The following CNPY3 variants were observed in gnomAD, a reference collection of about 807,000 sequenced individuals.
CNPY3 encodes protein canopy homolog 3.
CNPY3 carries 20 observed loss-of-function variants against 32.0 expected under a neutral mutation model. The observed-to-expected ratio is 0.63, with a 90% confidence interval of 0.44 to 0.91. The LOEUF is 0.91. Ranked by LOEUF, CNPY3 falls within the 40% of genes least tolerant of loss-of-function variation. CNPY3 has a pLI of 0.00. For synonymous variants in CNPY3, 138 were observed against 142.9 expected, an observed-to-expected ratio of 0.97 and a Z score of 0.24; for missense variants, 299 against 340.8, an observed-to-expected ratio of 0.88 and a Z score of 0.97.
At chr6:42,934,289 A>G (rs998947520) in intron 1 of CNPY3, among the ~76,000 whole-genome samples, 186 bp from the exon 2 acceptor site, 3 of 152,246 alleles carry the variant, frequency 2.0e-5, no homozygotes, top group Non-Finnish European at 2.9e-5. Flanking sequence ...AGAAGTCAAC[A>G]TGGCACATTA....
Position 42,938,792 on chromosome 6 carries a change from G to A in CNPY3, c.*1G>A. On this transcript the variant is annotated 3_prime_UTR_variant, in exon 6 of 6. Coordinates refer to ENST00000372836, the MANE Select transcript of CNPY3 (RefSeq NM_006586.5). ...ACACAGCCCCCCTGATGAGCTCTGA[G>A]CCCACCCAGCATCCTCTGTCCTGAG... 2 of 1,594,378 alleles carry A rather than the reference G, an allele frequency of 1.3e-6. No homozygotes were observed. Among genetic ancestry groups the A allele is most frequent in the Non-Finnish European group, 1.7e-6 (2 of 1,168,484 alleles).
chr6:42,939,009 C>T lies in CNPY3; in HGVS notation c.*218C>T, dbSNP rs908111013. 2 of 1,336,270 alleles carry T rather than the reference C, an allele frequency of 1.5e-6. No homozygotes were observed. The highest frequency in any genetic ancestry group is 1.5e-5 in the African/African-American group (1 of 67,650). 82.8% of individuals were successfully genotyped at this position (1,336,270 alleles called of 1,614,324 possible). ...CCCTCCCCAAGTGTTTCTCTCCTGA[C>T]CCAGGGTTCAGGCAGGCCTTGTGGT... On this transcript the variant is annotated 3_prime_UTR_variant, in exon 6 of 6. Coordinates refer to ENST00000372836, the MANE Select transcript of CNPY3 (RefSeq NM_006586.5).
intron 3 of CNPY3, among the ~76,000 whole-genome samples, chr6:42,936,064 C>G (rs918585708): frequency 2.0e-5 from 3 of 152,210 alleles, no homozygotes; most frequent in African/African-American, 7.2e-5. Flanking sequence ...TGGGTCCACA[C>G]AGCACCTCCC....
At chr6:42,929,867 G>T in intron 1 of CNPY3, 146 bp downstream of exon 1, 1 of 937,816 alleles carries the variant, frequency 1.1e-6, no homozygotes, top group Non-Finnish European at 1.5e-6. Flanking sequence ...GGACGCTGCG[G>T]CGGACGAGAG....
At position 42,934,569 on chromosome 6, in the gene CNPY3, G is replaced by C. The variant is rs781319933; in HGVS notation, c.246G>C (p.Gln82His). 1 of 1,613,986 alleles carries C rather than the reference G, an allele frequency of 6.2e-7. No homozygotes were observed. Among genetic ancestry groups the C allele is most frequent in the African/African-American group, 1.3e-5 (1 of 74,932 alleles). Residue 82 changes from glutamine (Q) to histidine (H), a missense_variant, in exon 2 of 6, where the codon CAG becomes CAC. Coordinates refer to ENST00000372836, the MANE Select transcript of CNPY3 (RefSeq NM_006586.5). ...GCACGGGCTATGGCATCCTGGACCA[G>C]AAGGCCTCTGGAGTCAAATACACCA... ...VIGTGYGILD[Q>H]KASGVKYTKS...
rs1475568799 is a variant in CNPY3 at position 42,938,614 on chromosome 6, C to T, written c.660C>T (p.Ala220=). The T allele has an allele frequency of 6.2e-7, 1 of 1,607,524 alleles. No individual in the cohort carries two copies. The highest frequency in any genetic ancestry group is 8.5e-7 in the Non-Finnish European group (1 of 1,176,958). The change falls in exon 6 of 6, where the codon GCC becomes GCT. Residue 220 remains alanine, a synonymous_variant. Transcript: ENST00000372836. ...QWSGKKGDTA[A]LGGKKSKKKS... ...CCGGCAAGAAGGGAGACACAGCTGCCCTGGGAGGGAAGAAGTCCAAGAAGA... is the reference window on the plus strand; with the variant it reads ...CCGGCAAGAAGGGAGACACAGCTGCTCTGGGAGGGAAGAAGTCCAAGAAGA...
rs565824394 is a variant in CNPY3 at position 42,935,619 on chromosome 6, C to T, written c.321C>T (p.Leu107=). ...TCACTGAGACCATTTGCAAGAGGCT[C>T]CTGGATTATAGCCTGCACAAGGAGA... ...IEVTETICKR[L]LDYSLHKERT... Residue 107 remains leucine (L), a synonymous_variant, in exon 3 of 6, where the codon CTC becomes CTT. Coordinates refer to ENST00000372836, the MANE Select transcript of CNPY3 (RefSeq NM_006586.5). 3.7e-6 allele frequency: 6 copies of T among 1,612,432 alleles called. No individual in the cohort carries two copies. The East Asian group carries it at 8.9e-5, about 24-fold the overall frequency.
rs539790179 is a variant in CNPY3, at chr6:42,938,368, A to C, written c.613+161A>C. ...AGACATGGTGAAGTAAGAGTCACTGAAACCAGGTGCAGAATGATGGGCAGA... is the reference window on the plus strand; with the variant it reads ...AGACATGGTGAAGTAAGAGTCACTGCAACCAGGTGCAGAATGATGGGCAGA... On this transcript the variant is annotated intron_variant, in intron 5 of 5. Coordinates refer to ENST00000372836, the MANE Select transcript of CNPY3 (RefSeq NM_006586.5). Among the ~76,000 whole-genome samples the C allele has an allele frequency of 3.9e-4, 60 of 152,296 alleles. 1 individual carries two copies. The highest frequency in any genetic ancestry group is 3.5e-3 in the South Asian group (17 of 4,826).
Position 42,938,705 on chromosome 6 carries a change from G to T in CNPY3, c.751G>T (p.Gly251Cys), listed in dbSNP as rs756925011. The T allele has an allele frequency of 2.4e-5, 39 of 1,613,728 alleles. No individual in the cohort carries two copies. The highest frequency in any genetic ancestry group is 3.2e-5 in the Non-Finnish European group (38 of 1,179,898). Residue 251 changes from glycine to cysteine, a missense_variant, in exon 6 of 6, where the codon GGC (glycine) becomes TGC (cysteine). Gly to Cys is a radical substitution (Grantham distance 159). This residue lies in a region of CNPY3 where 211 missense variants were observed against 278.3 expected (regional missense o/e 0.76). Coordinates refer to ENST00000372836, the MANE Select transcript of CNPY3 (RefSeq NM_006586.5). ...CAGCAAACAAAGGAAGGAGCTGGGTGGCCTTGAGGGAGACCCCAGCCCCGA... is the reference window on the plus strand; with the variant it reads ...CAGCAAACAAAGGAAGGAGCTGGGTTGCCTTGAGGGAGACCCCAGCCCCGA... Reference protein sequence around the residue: ...SSSKQRKELGGLEGDPSPEED... With the variant: ...SSSKQRKELGCLEGDPSPEED...
At chr6:42,937,434 C>T (rs1182495660) in intron 3 of CNPY3, among the ~76,000 whole-genome samples, 1 of 152,004 alleles carries the variant, frequency 6.6e-6, no homozygotes, top group African/African-American at 2.4e-5. Flanking sequence ...AAAACCCCAA[C>T]TCTACAAAAA....
intron 5 of CNPY3, 77 bp downstream of exon 5, chr6:42,938,284 G>A: frequency 9.0e-7 from 1 of 1,116,642 alleles, no homozygotes; most frequent in Non-Finnish European, 1.4e-6. Context: ...GGTAGGAGGA[G>A]AAACAGAGGG....
At chr6:42,929,436 G>A (rs1045833124), upstream of CNPY3, 5 of 941,220 alleles carry the variant, frequency 5.3e-6, no homozygotes, top group Non-Finnish European at 6.1e-6. Flanking sequence ...AGAGGAGGGC[G>A]GGCGGGAGGC....
chr6:42,929,405 T>C (rs1268077540), upstream of CNPY3: 13 of 752,832 alleles, frequency 1.7e-5, no homozygotes, highest in Non-Finnish European at 2.7e-5. Context: ...TGGTCCGCTT[T>C]GAAGGCGGGC....
At position 42,938,275 on chromosome 6, in the gene CNPY3, G is replaced by A. The variant is rs188035025; in HGVS notation, c.613+68G>A. ...GTTTGCTCTCCCTTGGGGGAGGTGGGTAGGAGGAGAAACAGAGGGCACCAG... is the reference window on the plus strand; with the variant it reads ...GTTTGCTCTCCCTTGGGGGAGGTGGATAGGAGGAGAAACAGAGGGCACCAG... On this transcript the variant is annotated intron_variant, in intron 5 of 5. Coordinates refer to ENST00000372836, the MANE Select transcript of CNPY3 (RefSeq NM_006586.5). The A allele has an allele frequency of 3.3e-4, 412 of 1,246,648 alleles. 2 individuals carry two copies. The highest frequency in any genetic ancestry group is 2.1e-3 in the Middle Eastern group (9 of 4,290). 77.2% of individuals were successfully genotyped at this position (1,246,648 alleles called of 1,614,324 possible). A position where few individuals can be genotyped will look rare whatever the true frequency, so the allele number is the denominator to read the frequency against.
At position 42,929,653 on chromosome 6, in the gene CNPY3, C is replaced by T. The variant is rs1293268326; in HGVS notation, c.83C>T (p.Pro28Leu). 1.1e-5 allele frequency: 17 copies of T among 1,553,410 alleles called. No individual in the cohort carries two copies. In the East Asian group the frequency reaches 2.7e-4, roughly 24 times the overall value. ...LLLLLLLLPA[P>L]ELGPSQAGAE... ...CTGCTGCTGCTGCTGCTGCCGGCCC[C>T]GGAGCTGGGCCCGAGCCAGGCCGGA... The change falls in exon 1 of 6, where the codon CCG becomes CTG. Residue 28 changes from proline to leucine, a missense_variant. Pro to Leu is a moderately conservative substitution (Grantham distance 98). Transcript: ENST00000372836.
At chr6:42,932,269 G>T (rs1238041814) in intron 1 of CNPY3, among the ~76,000 whole-genome samples, 1 of 152,136 alleles carries the variant, frequency 6.6e-6, no homozygotes, top group Non-Finnish European at 1.5e-5. Flanking sequence ...CAACCGTTAG[G>T]TTCATCTTAA....
At position 42,937,804 on chromosome 6, in the gene CNPY3, G is replaced by A. The variant is rs776855414; in HGVS notation, c.460G>A (p.Glu154Lys). The A allele has an allele frequency of 2.6e-5, 42 of 1,614,002 alleles. No homozygotes were observed. The highest frequency in any genetic ancestry group is 3.1e-5 in the Non-Finnish European group (37 of 1,180,018). ...GGACATCCCCTATGAGCTGTGGAAC[G>A]AGACTTCTGCAGAGGTGGCTGACCT... is the stretch of plus-strand genomic sequence containing the variant. Reference protein sequence around the residue: ...VMDIPYELWNETSAEVADLKK... With the variant: ...VMDIPYELWNKTSAEVADLKK... The change falls in exon 4 of 6, where the codon GAG becomes AAG. Residue 154 changes from glutamate to lysine, a missense_variant. Physicochemically the swap from Glu to Lys is moderately conservative, Grantham distance 56. This residue lies in a region of CNPY3 where 211 missense variants were observed against 278.3 expected (regional missense o/e 0.76). Coordinates refer to ENST00000372836, the MANE Select transcript of CNPY3 (RefSeq NM_006586.5).
intron 3 of CNPY3, 93 bp downstream of exon 3, chr6:42,935,763 A>G: frequency 1.5e-6 from 2 of 1,350,466 alleles, no homozygotes; most frequent in South Asian, 2.9e-5. Flanking sequence ...GAAGATGACC[A>G]CCTGGGATCT....
intron 5 of CNPY3, 34 bp from the exon 6 acceptor site, chr6:42,938,534 C>G: frequency 6.5e-7 from 1 of 1,547,492 alleles, no homozygotes; most frequent in Non-Finnish European, 8.7e-7. Flanking sequence ...CCCTGAGGCA[C>G]TTCTGTTGAG....
Sources: allele counts gnomAD v4.1 joint callset (sites outside exome capture counted in the v4.1 genomes callset), GRCh38; gene constraint gnomAD v4.1.1; regional missense constraint gnomAD v4.1.1; transcripts MANE v1.5; gene names NCBI Gene and HGNC (gene_info 2026-07-23, HGNC 2026-07-21).